The following ACBD6 variants were observed in gnomAD, a reference collection of about 807,000 sequenced individuals.
ACBD6 encodes the protein acyl-CoA-binding domain-containing protein 6.
In ACBD6, 28 loss-of-function variants were observed where a neutral mutation model predicts 37.2. The observed-to-expected ratio is 0.75, with a 90% CI of 0.56 to 1.03. The LOEUF is 1.03. Ranked by LOEUF, ACBD6 falls within the 50% of genes least tolerant of loss-of-function variation. The pLI, the probability that ACBD6 is intolerant of heterozygous loss-of-function variation, is 0.00. For synonymous variants in ACBD6, 113 were observed against 126.8 expected (o/e 0.89, Z 0.73); for missense variants, 340 against 337.4 (o/e 1.01, Z -0.06).
chr1:180,289,037 C>CAAAAA (rs1649598584), intron 7 of ACBD6, among the ~76,000 whole-genome samples: 1 of 23,448 alleles, frequency 4.3e-5, no homozygotes, highest in East Asian at 7.9e-4. Context: ...TCTACAGGAA[C>CAAAAA]TAAAAAAAAA....
At chr1:180,466,469 T>G (rs2102050360) in intron 3 of ACBD6, among the ~76,000 whole-genome samples, 1 of 152,302 alleles carries the variant, frequency 6.6e-6, no homozygotes, top group East Asian at 1.9e-4. Flanking sequence ...ATTTACTGTT[T>G]GGTAGGTGGT....
At chr1:180,495,904 T>C (rs1224206120) in intron 1 of ACBD6, among the ~76,000 whole-genome samples, 1 of 152,192 alleles carries the variant, frequency 6.6e-6, no homozygotes, top group Non-Finnish European at 1.5e-5. Context: ...AGGTTTAGAA[T>C]TCATAATTTA....
At position 180,440,728 on chromosome 1, in the gene ACBD6, T is replaced by C. The variant is rs555308073; in HGVS notation, c.385-10466A>G. Among the ~76,000 whole-genome samples the C allele has an allele frequency of 2.6e-5, 4 of 152,098 alleles. No homozygotes were observed. The South Asian group carries it at 8.3e-4, about 32-fold the overall frequency. On this transcript the variant is annotated intron_variant, in intron 3 of 7. Coordinates refer to ENST00000367595, the MANE Select transcript of ACBD6 (RefSeq NM_032360.4). ...CCCCATTCCCCTCTCCCCCAAAACC[T>C]TGGCAACACCAATCTGCTTTCTGTC... is the stretch of plus-strand genomic sequence containing the variant.
intron 6 of ACBD6, among the ~76,000 whole-genome samples, chr1:180,380,204 T>C (rs1430905715): frequency 2.0e-5 from 3 of 152,120 alleles, no homozygotes; most frequent in Admixed American, 6.5e-5. Flanking sequence ...ATGGCTGCAG[T>C]GAGCCATTAT....
rs780294148 is a variant in ACBD6, at chr1:180,397,651, C to T, written c.574-46G>A. 4.2e-6 allele frequency: 6 copies of T among 1,439,974 alleles called. No homozygotes were observed. In the Admixed American group the frequency reaches 1.0e-4, roughly 24 times the overall value. 89.2% of individuals were successfully genotyped at this position (1,439,974 alleles called of 1,614,324 possible). ...TGAATTTGTTATCTCAGTTGTGGAG[C>T]CATGTAAAAGATATAATGTTTTAAG... On this transcript the variant is annotated intron_variant, in intron 5 of 7. Coordinates refer to ENST00000367595, the MANE Select transcript of ACBD6 (RefSeq NM_032360.4).
At chr1:180,365,419 A>G (rs1037853484) in intron 6 of ACBD6, among the ~76,000 whole-genome samples, 1 of 152,216 alleles carries the variant, frequency 6.6e-6, no homozygotes. Context: ...TGGGCTGCAC[A>G]TGACTTATAC....
At chr1:180,426,784 T>A (rs1038748834) in intron 4 of ACBD6, among the ~76,000 whole-genome samples, 8 of 152,184 alleles carry the variant, frequency 5.3e-5, no homozygotes, top group Non-Finnish European at 1.0e-4. Context: ...GTCTATGTAT[T>A]CACATAATCT....
At chr1:180,311,813 G>A (rs1397938256) in intron 7 of ACBD6, among the ~76,000 whole-genome samples, 4 of 152,174 alleles carry the variant, frequency 2.6e-5, no homozygotes, top group Non-Finnish European at 2.9e-5. Context: ...AATTTTTGTA[G>A]ATTTTCTTGA....
chr1:180,465,701 ACATG>A (rs1650322336), intron 3 of ACBD6, among the ~76,000 whole-genome samples: 1 of 152,302 alleles, frequency 6.6e-6, no homozygotes, highest in African/African-American at 2.4e-5. Context: ...ACCCAAAGAC[ACATG>A]CATATGAATG....
At chr1:180,390,361 T>G (rs2101940875) in intron 6 of ACBD6, among the ~76,000 whole-genome samples, 1 of 148,102 alleles carries the variant, frequency 6.8e-6, no homozygotes, top group Non-Finnish European at 1.5e-5. Context: ...CATTGATCTA[T>G]ATCTCTGTTT....
intron 6 of ACBD6, among the ~76,000 whole-genome samples, chr1:180,340,386 C>T (rs1651933412): frequency 6.6e-6 from 1 of 151,902 alleles, no homozygotes; most frequent in South Asian, 2.1e-4. Flanking sequence ...CTGGATTTAG[C>T]AAAGTGGAAG....
intron 3 of ACBD6, among the ~76,000 whole-genome samples, chr1:180,461,001 T>C (rs964736629): frequency 2.6e-5 from 4 of 152,026 alleles, no homozygotes; most frequent in African/African-American, 7.3e-5. Context: ...CTAAAAACCA[T>C]AATAGAACAT....
intron 6 of ACBD6, among the ~76,000 whole-genome samples, chr1:180,367,457 G>A (rs960780353): frequency 6.6e-6 from 1 of 152,118 alleles, no homozygotes; most frequent in East Asian, 1.9e-4. Flanking sequence ...TGTCATAGGG[G>A]TTTGTTGTAC....
At chr1:180,397,738 T>G in intron 5 of ACBD6, 133 bp from the exon 6 acceptor site, 1 of 808,878 alleles carries the variant, frequency 1.2e-6, no homozygotes, top group Admixed American at 2.1e-5. Context: ...ATATAAAAAA[T>G]GCACTATGGA....
intron 6 of ACBD6, among the ~76,000 whole-genome samples, chr1:180,322,741 C>CTTTT (rs550001607): frequency 7.1e-6 from 1 of 141,048 alleles, no homozygotes; most frequent in African/African-American, 2.6e-5. Flanking sequence ...TGGGTCTTCT[C>CTTTT]TTTTTTTTTT....
intron 6 of ACBD6, among the ~76,000 whole-genome samples, chr1:180,320,339 T>A (rs962511628): frequency 3.3e-5 from 5 of 152,308 alleles, no homozygotes; most frequent in African/African-American, 1.2e-4. Flanking sequence ...TTGCCCATTT[T>A]AAAATCTGAT....
intron 3 of ACBD6, among the ~76,000 whole-genome samples, chr1:180,450,608 A>C (rs1226833427): frequency 6.6e-6 from 1 of 152,102 alleles, no homozygotes; most frequent in Non-Finnish European, 1.5e-5. Context: ...AAATACAAAA[A>C]AATTAGCCAG....
chr1:180,397,924 G>C (rs962828067), intron 5 of ACBD6, among the ~76,000 whole-genome samples: 4 of 152,092 alleles, frequency 2.6e-5, no homozygotes, highest in Non-Finnish European at 5.9e-5. Context: ...ATGGTGATGG[G>C]TGCTTGTAAT....
At chr1:180,339,447 C>A (rs564947729) in intron 6 of ACBD6, among the ~76,000 whole-genome samples, 2 of 152,122 alleles carry the variant, frequency 1.3e-5, no homozygotes, top group African/African-American at 4.8e-5. Context: ...AACCAAACAC[C>A]GCATGTTCTC....
Sources: gnomAD v4.1 joint callset for allele counts (sites outside exome capture counted in the v4.1 genomes callset) on GRCh38, gnomAD v4.1.1 for gene constraint, MANE v1.5 for transcripts, NCBI Gene and HGNC (gene_info 2026-07-23, HGNC 2026-07-21) for gene names.